The following ST7 variants were observed in gnomAD, a reference collection of about 807,000 sequenced individuals.
ST7 encodes suppression of tumorigenicity 7.
In ST7, 28 loss-of-function variants were observed where a neutral mutation model predicts 78.7. The ratio of observed to expected loss-of-function variants is 0.36; its 90% CI spans 0.26 to 0.49. The LOEUF (loss-of-function observed/expected upper bound fraction) is 0.49, where lower values mean the gene tolerates loss of function less well. ST7 is among the 20% of genes least tolerant of loss of function. The probability of loss-of-function intolerance (pLI) is 0.99; values close to 1 mark genes in which losing one functional copy is unlikely to be tolerated. For synonymous variants in ST7, 247 were observed against 249.6 expected, an observed-to-expected ratio of 0.99 and a Z score of 0.10; for missense variants, 418 against 696.0, an observed-to-expected ratio of 0.60 and a Z score of 4.49.
chr7:116,986,184 G>A (rs1270282514), intron 1 of ST7, among the ~76,000 whole-genome samples: 1 of 152,226 alleles, frequency 6.6e-6, no homozygotes, highest in Non-Finnish European at 1.5e-5. Context: ...TCTGGGTTGT[G>A]TGAGTAGAGT....
At chr7:117,009,969 G>A (rs752777633) in intron 1 of ST7, among the ~76,000 whole-genome samples, 10 of 152,094 alleles carry the variant, frequency 6.6e-5, no homozygotes, top group Admixed American at 4.6e-4. Flanking sequence ...CAACAAACAG[G>A]TGTTGTGTAT....
rs1809667205 is a variant in ST7 at position 117,190,419 on chromosome 7, C to G, written c.1152-415C>G. On this transcript the variant is annotated intron_variant, in intron 11 of 15. Transcript: ENST00000323984. The surrounding 1 kb of genome is among the most constrained non-coding windows in gnomAD (Gnocchi z 5.2). The stretch of plus-strand genomic sequence containing the variant: ...CAACGATTTAACCTCCATCGCAGCA[C>G]TGACATTGGGTGGGAGGCCTCCTTT... 1 of 169,268 alleles carries G rather than the reference C, an allele frequency of 5.9e-6. No homozygotes were observed. The highest frequency in any genetic ancestry group is 2.4e-5 in the African/African-American group (1 of 41,774). 10.5% of individuals were successfully genotyped at this position (169,268 alleles called of 1,614,324 possible). A position where few individuals can be genotyped will look rare whatever the true frequency, so the allele number is the denominator to read the frequency against.
chr7:116,956,870 T>C (rs534436084), intron 1 of ST7: 40 of 354,258 alleles, frequency 1.1e-4, no homozygotes, highest in African/African-American at 8.4e-4. Context: ...ATATGCAAGA[T>C]GGGGCTGGGC....
At chr7:117,059,583 A>G (rs910054694) in intron 1 of ST7, among the ~76,000 whole-genome samples, 2 of 152,042 alleles carry the variant, frequency 1.3e-5, no homozygotes, top group Admixed American at 1.3e-4. Context: ...ATAGATCTAA[A>G]CTTGTTCTGG....
intron 10 of ST7, among the ~76,000 whole-genome samples, chr7:117,174,993 G>A (rs1320856159): frequency 2.6e-5 from 4 of 152,234 alleles, no homozygotes; most frequent in Non-Finnish European, 4.4e-5. Context: ...GTGGGCTGAA[G>A]CCATGGTGCA....
At chr7:117,077,563 T>C (rs543395967) in intron 1 of ST7, among the ~76,000 whole-genome samples, 11 of 152,322 alleles carry the variant, frequency 7.2e-5, no homozygotes, top group Admixed American at 7.2e-4. Context: ...AGAGTCACAT[T>C]TAGGAATCCA....
At position 117,005,286 on chromosome 7, in the gene ST7, T is replaced by A. The variant is rs116353416; in HGVS notation, c.151+51595T>A. Reference sequence around the variant, plus strand: ...CTTCTTGTGACTTGTGAGAACAAATTTTTGATGTTAACAAGTCACATGTAA... The same window carrying A: ...CTTCTTGTGACTTGTGAGAACAAATATTTGATGTTAACAAGTCACATGTAA... On this transcript the variant is annotated intron_variant, in intron 1 of 15. Coordinates refer to ENST00000323984, the MANE Select transcript of ST7 (RefSeq NM_001369598.1). Among the ~76,000 whole-genome samples, 906 of 152,264 alleles carry A rather than the reference T, an allele frequency of 6.0e-3. 9 individuals are homozygous for A. The highest frequency in any genetic ancestry group is 0.021 in the African/African-American group (859 of 41,560).
At chr7:117,176,067 G>GA (rs1563143078) in intron 10 of ST7, among the ~76,000 whole-genome samples, 1 of 152,114 alleles carries the variant, frequency 6.6e-6, no homozygotes, top group Admixed American at 6.6e-5. Context: ...CTGATCAAAG[G>GA]AAAAATTACT....
chr7:117,008,347 C>T (rs936164104), intron 1 of ST7, among the ~76,000 whole-genome samples: 10 of 152,150 alleles, frequency 6.6e-5, no homozygotes, highest in Non-Finnish European at 1.2e-4. Context: ...CAAGAATTCC[C>T]TTTCAGCAAT....
At chr7:117,208,698 C>T (rs1792004322) in intron 12 of ST7, among the ~76,000 whole-genome samples, 1 of 152,154 alleles carries the variant, frequency 6.6e-6, no homozygotes, top group African/African-American at 2.4e-5. Flanking sequence ...ACTCTTCTAC[C>T]TTTCACTGTC....
intron 1 of ST7, among the ~76,000 whole-genome samples, chr7:116,957,619 T>C (rs1250038728): frequency 6.6e-6 from 1 of 152,220 alleles, no homozygotes; most frequent in Non-Finnish European, 1.5e-5. Context: ...CCAAATAATA[T>C]TACTTGTCAG....
intron 9 of ST7, among the ~76,000 whole-genome samples, chr7:117,159,767 C>G (rs1010604809): frequency 6.6e-6 from 1 of 152,150 alleles, no homozygotes; most frequent in Non-Finnish European, 1.5e-5. Context: ...GTGACACACA[C>G]CTGTAGTCCC....
rs566399626 is a variant in ST7, at chr7:117,123,406, A to G, written c.394+3686A>G. Among the ~76,000 whole-genome samples the G allele has an allele frequency of 7.8e-4, 119 of 152,288 alleles. 1 individual carries two copies. The highest frequency in any genetic ancestry group is 2.4e-4 in the African/African-American group (10 of 41,570). On this transcript the variant is annotated intron_variant, in intron 3 of 15. Transcript: ENST00000323984. ...TATATTTTTAAACTTCTGGATTTGT[A>G]CAAAGTGGCCTGAATGCAGACTTGC...
At chr7:117,204,298 GT>G (rs2115942904) in intron 12 of ST7, among the ~76,000 whole-genome samples, 1 of 152,320 alleles carries the variant, frequency 6.6e-6, no homozygotes, top group East Asian at 1.9e-4. Flanking sequence ...CAGGTACTAT[GT>G]GAATGAATGC....
Position 117,170,924 on chromosome 7 carries a change from T to G in ST7, c.1026T>G (p.Leu342=), listed in dbSNP as rs755031693. 4 of 1,612,680 alleles carry G rather than the reference T, an allele frequency of 2.5e-6. No homozygotes were observed. The highest frequency in any genetic ancestry group is 2.5e-6 in the Non-Finnish European group (3 of 1,179,172). Residue 342 remains leucine, a synonymous_variant, in exon 10 of 16, where the codon CTT becomes CTG. Transcript: ENST00000323984. ...TCCATGAAAACCTTTTAGAAGCCCT[T>G]CTGGAACTACAAGCATATGCTGATG... is the stretch of plus-strand genomic sequence containing the variant. ...FNIHENLLEA[L]LELQAYADVQ... is the part of the protein sequence containing the mutation.
intron 1 of ST7, among the ~76,000 whole-genome samples, chr7:117,075,169 C>A (rs1001448242): frequency 6.6e-6 from 1 of 152,052 alleles, no homozygotes; most frequent in Non-Finnish European, 1.5e-5. Context: ...AAACATATTG[C>A]AAATCTATTA....
rs551636986 is a variant in ST7 at position 117,055,440 on chromosome 7, G to T, written c.152-44322G>T. ...GCTGGTCTTGAACTCCTGACCTCAGGTGATCCTCCTGCCTCGGCCTCCCAA... is the reference window on the plus strand; with the variant it reads ...GCTGGTCTTGAACTCCTGACCTCAGTTGATCCTCCTGCCTCGGCCTCCCAA... On this transcript the variant is annotated intron_variant, in intron 1 of 15. Coordinates refer to ENST00000323984, the MANE Select transcript of ST7 (RefSeq NM_001369598.1). Among the ~76,000 whole-genome samples the T allele has an allele frequency of 1.6e-3, 237 of 152,202 alleles. 1 individual carries two copies. The highest frequency in any genetic ancestry group is 4.5e-3 in the African/African-American group (187 of 41,520).
chr7:117,071,857 A>G (rs1798982912), intron 1 of ST7, among the ~76,000 whole-genome samples: 1 of 152,188 alleles, frequency 6.6e-6, no homozygotes, highest in Non-Finnish European at 1.5e-5. Flanking sequence ...CTTGGCAGCA[A>G]TTTATTTTCC....
chr7:117,097,856 A>T (rs1169841677), intron 1 of ST7, among the ~76,000 whole-genome samples: 1 of 106,620 alleles, frequency 9.4e-6, no homozygotes, highest in Non-Finnish European at 1.9e-5. Flanking sequence ...ATGACATATC[A>T]CTATATATAT....
Sources: allele counts gnomAD v4.1 joint callset (sites outside exome capture counted in the v4.1 genomes callset), GRCh38; gene constraint gnomAD v4.1.1; non-coding constraint Gnocchi (gnomAD v3.1); transcripts MANE v1.5; gene names NCBI Gene and HGNC (gene_info 2026-07-23, HGNC 2026-07-21).